SEM1: variants seen among roughly 807,000 people sequenced by gnomAD.
SEM1 encodes the protein 26S proteasome complex subunit SEM1.
SEM1 carries 3 observed loss-of-function variants against 12.7 expected under a neutral mutation model. The ratio of observed to expected loss-of-function variants is 0.24; its 90% confidence interval spans 0.11 to 0.61. The LOEUF (loss-of-function observed/expected upper bound fraction) is 0.61, where lower values mean the gene tolerates loss of function less well. Among genes scored for constraint, SEM1 ranks in the 20% least tolerant of loss-of-function variants. The probability of loss-of-function intolerance (pLI) is 0.88; values close to 1 mark genes in which losing one functional copy is unlikely to be tolerated. For missense variants in SEM1, 59 were observed against 81.3 expected (o/e 0.73, Z 1.06); for synonymous variants, 30 against 27.8 (o/e 1.08, Z -0.25).
chr7:96,549,755 A>G (rs1289305258), intron 2 of SEM1, among the ~76,000 whole-genome samples: 2 of 152,130 alleles, frequency 1.3e-5, no homozygotes, highest in Non-Finnish European at 2.9e-5. Context: ...AAATGTTCTT[A>G]TTTAGTTCTT....
chr7:96,516,675 G>T (rs962743288), intron 2 of SEM1, among the ~76,000 whole-genome samples: 1 of 152,102 alleles, frequency 6.6e-6, no homozygotes, highest in African/African-American at 2.4e-5. Context: ...ACAGTTTAAT[G>T]CTTTCTTACA....
chr7:96,618,391 G>T (rs113624365), downstream of SEM1, among the ~76,000 whole-genome samples: 95 of 152,062 alleles, frequency 6.2e-4, no homozygotes, highest in Non-Finnish European at 1.2e-3. Context: ...TTTTATACTT[G>T]CCTGGGGATT....
At chr7:96,574,595 C>G (rs536855222) in intron 2 of SEM1, among the ~76,000 whole-genome samples, 2 of 152,288 alleles carry the variant, frequency 1.3e-5, no homozygotes, top group East Asian at 3.9e-4. Context: ...TCTCCAGCTA[C>G]TGTTGTTTCC....
chr7:96,513,335 G>C (rs769594156), intron 2 of SEM1, among the ~76,000 whole-genome samples: 3 of 152,058 alleles, frequency 2.0e-5, no homozygotes, highest in Admixed American at 6.6e-5. Context: ...ATAAATTTCT[G>C]TTGCTTAAGC....
intron 2 of SEM1, among the ~76,000 whole-genome samples, chr7:96,565,850 A>G (rs893115685): frequency 6.6e-6 from 1 of 151,870 alleles, no homozygotes; most frequent in African/African-American, 2.4e-5. Flanking sequence ...ACCTCTCAAC[A>G]AGTGTTCCCA....
At chr7:96,496,953 G>T (rs1190398595), upstream of SEM1, among the ~76,000 whole-genome samples, 1 of 151,776 alleles carries the variant, frequency 6.6e-6, no homozygotes, top group Non-Finnish European at 1.5e-5. Flanking sequence ...TCCCTGGCAT[G>T]TGTGCGTATT....
intron 2 of SEM1, among the ~76,000 whole-genome samples, chr7:96,681,410 A>C (rs4727342): frequency 1 from 152,210 of 152,230 alleles, 76,095 homozygotes; most frequent in Middle Eastern, 1. Context: ...AGTACTAATA[A>C]TAGTAGTGGG....
At chr7:96,489,874 A>G (rs1050743911) in intron 1 of SEM1, among the ~76,000 whole-genome samples, 1 of 152,142 alleles carries the variant, frequency 6.6e-6, no homozygotes, top group African/African-American at 2.4e-5. Flanking sequence ...CAATGACTAG[A>G]TTTAAGTCTT....
At chr7:96,682,313 C>T (rs1030445865) in intron 2 of SEM1, among the ~76,000 whole-genome samples, 3 of 152,060 alleles carry the variant, frequency 2.0e-5, no homozygotes, top group Non-Finnish European at 4.4e-5. Context: ...TCTAAATATA[C>T]AACCATGTCA....
intron 2 of SEM1, among the ~76,000 whole-genome samples, chr7:96,613,941 T>C (rs1484484689): frequency 1.3e-5 from 2 of 152,366 alleles, no homozygotes; most frequent in East Asian, 3.9e-4. Context: ...AAAATCCATT[T>C]GTCCATCAAT....
intron 2 of SEM1, among the ~76,000 whole-genome samples, chr7:96,693,314 CA>C (rs1789983105): frequency 2.6e-5 from 4 of 151,798 alleles, no homozygotes; most frequent in Admixed American, 6.6e-5. Flanking sequence ...CAGCCTGAAT[CA>C]AAATAAAATT....
chr7:96,513,603 C>A (rs1204299823), intron 2 of SEM1, among the ~76,000 whole-genome samples: 1 of 151,928 alleles, frequency 6.6e-6, no homozygotes, highest in African/African-American at 2.4e-5. Context: ...CTGAGGTGGG[C>A]AGATCACTTG....
intron 2 of SEM1, among the ~76,000 whole-genome samples, chr7:96,582,580 C>T (rs1312237516): frequency 1.3e-5 from 2 of 152,080 alleles, no homozygotes; most frequent in South Asian, 2.1e-4. Context: ...TGGTAGAATT[C>T]GGCTGTGAAT....
chr7:96,484,125 T>C, intron 3 of SEM1: 1 of 835,514 alleles, frequency 1.2e-6, no homozygotes, highest in Non-Finnish European at 1.8e-6. Context: ...AAAACTGAGG[T>C]ATAACTGTTA....
At chr7:96,663,040 GTAT>G (rs1194161874) in intron 2 of SEM1, among the ~76,000 whole-genome samples, 4 of 151,202 alleles carry the variant, frequency 2.6e-5, no homozygotes, top group African/African-American at 9.7e-5. Flanking sequence ...TAAAATCATG[GTAT>G]TATGTGATTT....
At chr7:96,613,587 A>T (rs1273352181) in intron 2 of SEM1, among the ~76,000 whole-genome samples, 1 of 152,212 alleles carries the variant, frequency 6.6e-6, no homozygotes. Context: ...TAAAATATAC[A>T]ATACATTATT....
chr7:96,659,957 A>G (rs1331613599), intron 2 of SEM1, among the ~76,000 whole-genome samples: 1 of 151,672 alleles, frequency 6.6e-6, no homozygotes, highest in Non-Finnish European at 1.5e-5. Context: ...TATATCAGAC[A>G]TCACAGTAAG....
intron 2 of SEM1, among the ~76,000 whole-genome samples, chr7:96,526,257 T>C (rs1472288914): frequency 2.6e-5 from 4 of 152,088 alleles, no homozygotes; most frequent in Non-Finnish European, 5.9e-5. Context: ...TGGGCACAGG[T>C]ACCTCCTTAG....
At chr7:96,632,845 A>G (rs573704044) in intron 2 of SEM1, among the ~76,000 whole-genome samples, 12 of 149,986 alleles carry the variant, frequency 8.0e-5, no homozygotes, top group African/African-American at 3.0e-4. Context: ...GTTGGGGGAC[A>G]ATCGGTGGAG....
Sources: gnomAD v4.1 joint callset for allele counts (sites outside exome capture counted in the v4.1 genomes callset) on GRCh38, gnomAD v4.1.1 for gene constraint, MANE v1.5 for transcripts, NCBI Gene and HGNC (gene_info 2026-07-23, HGNC 2026-07-21) for gene names.